The following ATP13A1 variants were observed in gnomAD, a reference collection of about 807,000 sequenced individuals.
ATP13A1 encodes endoplasmic reticulum transmembrane helix translocase.
Under a neutral mutation model 134.8 loss-of-function variants are expected in ATP13A1, and 55 were observed. That is an observed-to-expected ratio of 0.41 (90% CI 0.33 to 0.51). ATP13A1 has a LOEUF of 0.51. ATP13A1 is among the 20% of genes least tolerant of loss of function. ATP13A1 has a pLI of 0.29. For synonymous variants in ATP13A1, 775 were observed against 725.1 expected (o/e 1.07, Z -1.10); for missense variants, 1,389 against 1,652.8 (o/e 0.84, Z 2.77).
Position 19,655,978 on chromosome 19 carries a change from T to C in ATP13A1, c.1214-45A>G. On this transcript the variant is annotated intron_variant, in intron 8 of 25. Transcript: ENST00000357324. The surrounding 1 kb of genome is among the most constrained non-coding windows in gnomAD (Gnocchi z 5.7). ...CACCGTCATGCCTGTCTCCTCGTCC[T>C]GACTCCCTCATGATCAAGCAGACGG... The C allele has an allele frequency of 1.2e-6, 2 of 1,609,350 alleles. No individual in the cohort carries two copies.
Position 19,649,623 on chromosome 19 carries a change from G to A in ATP13A1, c.2576C>T (p.Thr859Ile), listed in dbSNP as rs2144994774. ...ITSLKELGYV[T>I]LMCGDGTNDV... The stretch of plus-strand genomic sequence containing the variant: ...GTTGGTGCCATCCCCACACATGAGG[G>A]TCACGTAGCCCAGCTCCTTCAGGCT... The change falls in exon 19 of 26, where the codon ACC becomes ATC. Residue 859 changes from threonine to isoleucine, a missense_variant. Physicochemically the swap from Thr to Ile is moderately conservative, Grantham distance 89. This residue lies in a region of ATP13A1 where 747 missense variants were observed against 956.1 expected (regional missense o/e 0.78). Coordinates refer to ENST00000357324, the MANE Select transcript of ATP13A1 (RefSeq NM_020410.3). 1 of 1,613,936 alleles carries A rather than the reference G, an allele frequency of 6.2e-7. No individual in the cohort carries two copies. Among genetic ancestry groups the A allele is most frequent in the East Asian group, 2.2e-5 (1 of 44,882 alleles).
chr19:19,657,424 C>A lies in ATP13A1; in HGVS notation c.678-16G>T. On this transcript the variant is annotated splice_polypyrimidine_tract_variant and intron_variant, in intron 3 of 25. Coordinates refer to ENST00000357324, the MANE Select transcript of ATP13A1 (RefSeq NM_020410.3). ...CATCTCGGCCCTGCAAGAGACCAGGCCCCATCCTGTTCCCAGGGCAAGGCC... is the reference window on the plus strand; with the variant it reads ...CATCTCGGCCCTGCAAGAGACCAGGACCCATCCTGTTCCCAGGGCAAGGCC... The A allele has an allele frequency of 1.3e-6, 2 of 1,558,564 alleles. No individual in the cohort carries two copies. The highest frequency in any genetic ancestry group is 1.7e-6 in the Non-Finnish European group (2 of 1,151,014).
At position 19,646,287 on chromosome 19, in the gene ATP13A1, G is replaced by A. The variant is rs879287542; in HGVS notation, c.3166C>T (p.Leu1056Phe). The change falls in exon 23 of 26, where the codon CTC (leucine) becomes TTC (phenylalanine). Residue 1056 changes from leucine to phenylalanine, a missense_variant. Transcript: ENST00000357324. ...ACAAAGAACTGGAGCATGACGGTGA[G>A]GATGGTGTACAGGTTGAAGATGTTG... ...LPNIFNLYTILTVMLQFFVHF... is the reference protein window; with the variant it reads ...LPNIFNLYTIFTVMLQFFVHF... 8.7e-6 allele frequency: 14 copies of A among 1,613,868 alleles called. No individual in the cohort carries two copies. Among genetic ancestry groups the A allele is most frequent in the African/African-American group, 1.3e-5 (1 of 74,922 alleles).
chr19:19,645,413 A>G lies in ATP13A1; in HGVS notation c.*9T>C, dbSNP rs752529505. ...GCCAGGGTGGGCAGTGGGTACCAGC[A>G]CTGCCATCTCAGGAAGGCACTTTCA... On this transcript the variant is annotated 3_prime_UTR_variant, in exon 26 of 26. Coordinates refer to ENST00000357324, the MANE Select transcript of ATP13A1 (RefSeq NM_020410.3). The surrounding 1 kb of genome is among the most constrained non-coding windows in gnomAD (Gnocchi z 4.1). 6.3e-7 allele frequency: 1 copy of G among 1,589,128 alleles called. No homozygotes were observed. Among genetic ancestry groups the G allele is most frequent in the Non-Finnish European group, 8.6e-7 (1 of 1,169,426 alleles).
Position 19,645,573 on chromosome 19 carries a change from C to T in ATP13A1, c.3505-41G>A. ...GGGATGGTGAGCTGGAGACCTGCAG[C>T]CCAGCTCAGGGTCACTGCCATAGGA... On this transcript the variant is annotated intron_variant, in intron 25 of 25. Coordinates refer to ENST00000357324, the MANE Select transcript of ATP13A1 (RefSeq NM_020410.3). The surrounding 1 kb of genome is among the most constrained non-coding windows in gnomAD (Gnocchi z 4.1). 2 of 1,566,306 alleles carry T rather than the reference C, an allele frequency of 1.3e-6. No individual in the cohort carries two copies. Among genetic ancestry groups the T allele is most frequent in the Non-Finnish European group, 1.7e-6 (2 of 1,155,688 alleles).
chr19:19,662,255 A>G (rs1324780493), intron 1 of ATP13A1: 4 of 1,473,814 alleles, frequency 2.7e-6, no homozygotes, highest in Non-Finnish European at 3.6e-6. Flanking sequence ...CCTCAAAGCT[A>G]CCACGTTGAG....
Position 19,652,653 on chromosome 19 carries a change from C to A in ATP13A1, c.2168G>T (p.Cys723Phe), listed in dbSNP as rs1199727215. Residue 723 changes from cysteine to phenylalanine, a missense_variant, in exon 16 of 26, where the codon TGC becomes TTC. Physicochemically the swap from Cys to Phe is radical, Grantham distance 205 (BLOSUM62 -2). Coordinates refer to ENST00000357324, the MANE Select transcript of ATP13A1 (RefSeq NM_020410.3). The part of the protein sequence containing the change: ...LKFVGFIVVS[C>F]PLKADSKAVI... ...GGCCTTGGAGTCAGCCTTGAGCGGGCAGGAGACCACAATGAAGCCGACGAA... is the reference window on the plus strand; with the variant it reads ...GGCCTTGGAGTCAGCCTTGAGCGGGAAGGAGACCACAATGAAGCCGACGAA... 7 of 1,608,544 alleles carry A rather than the reference C, an allele frequency of 4.4e-6. No homozygotes were observed. The highest frequency in any genetic ancestry group is 5.1e-6 in the Non-Finnish European group (6 of 1,177,858).
chr19:19,654,267 G>A (rs955519747), intron 13 of ATP13A1, 123 bp from the exon 14 acceptor site: 27 of 1,120,330 alleles, frequency 2.4e-5, no homozygotes, highest in Admixed American at 1.0e-4. Context: ...CGGGGCTCTG[G>A]GCTAGAGCAG....
intron 3 of ATP13A1, among the ~76,000 whole-genome samples, chr19:19,659,010 G>C (rs1307263124): frequency 6.6e-6 from 1 of 152,246 alleles, no homozygotes; most frequent in African/African-American, 2.4e-5. Flanking sequence ...AGACTCCTGT[G>C]AAGAACCTTA....
At position 19,657,381 on chromosome 19, in the gene ATP13A1, C is replaced by G. The variant is rs186424725; in HGVS notation, c.705G>C (p.Ser235=). 6.4e-7 allele frequency: 1 copy of G among 1,573,810 alleles called. No homozygotes were observed. The highest frequency in any genetic ancestry group is 8.6e-7 in the Non-Finnish European group (1 of 1,159,252). Residue 235 remains serine, a synonymous_variant, in exon 4 of 26, where the codon TCG becomes TCC. Transcript: ENST00000357324. ...NKAEMVVPDF[S]ELFKERATAP... is the part of the protein sequence containing the mutation. ...CTGTGGCTCTCTCCTTGAAAAGCTC[C>G]GAGAAGTCAGGCACCACCATCTCGG...
rs1030400100 is a variant in ATP13A1 at position 19,663,582 on chromosome 19, C to T, written c.85G>A (p.Gly29Arg). 5 of 1,462,672 alleles carry T rather than the reference C, an allele frequency of 3.4e-6. No individual in the cohort carries two copies. Among genetic ancestry groups the T allele is most frequent in the African/African-American group, 1.5e-5 (1 of 67,222 alleles). The allele number at this position is 1,462,672 out of a possible 1,614,324, so 90.6% of individuals were successfully genotyped here. A position where few individuals can be genotyped will look rare whatever the true frequency, so the allele number is the denominator to read the frequency against. Residue 29 changes from glycine to arginine, a missense_variant, in exon 1 of 26, where the codon GGG becomes AGG. This residue lies in a region of ATP13A1 where 293 missense variants were observed against 270.8 expected (regional missense o/e 1.08). Coordinates refer to ENST00000357324, the MANE Select transcript of ATP13A1 (RefSeq NM_020410.3). ...GCAAGGAGCGCGCGCGGCTGCGGCC[C>T]GGGCTTGGGCTGCCCGTCAGGCCGG... ...GVRPDGQPKP[G>R]PQPRALLAAG...
At position 19,655,290 on chromosome 19, in the gene ATP13A1, C is replaced by G. The variant is rs1205837620; in HGVS notation, c.1534+26G>C. On this transcript the variant is annotated intron_variant, in intron 11 of 25. Transcript: ENST00000357324. This position sits in a 1 kb window ranked among gnomAD's most constrained non-coding sequence, Gnocchi z 5.7. ...TCCTGCTTGGCCCCAGCCCACTCGG[C>G]ACCCCATCCCATTTGACACACTCAC... is the stretch of plus-strand genomic sequence containing the variant. 1.2e-6 allele frequency: 2 copies of G among 1,613,972 alleles called. No homozygotes were observed. Among genetic ancestry groups the G allele is most frequent in the Non-Finnish European group, 1.7e-6 (2 of 1,179,896 alleles).
At position 19,654,743 on chromosome 19, in the gene ATP13A1, A is replaced by G. The variant is rs779752306; in HGVS notation, c.1656-43T>C. The G allele has an allele frequency of 8.9e-6, 14 of 1,570,842 alleles. No homozygotes were observed. In the South Asian group the frequency reaches 1.5e-4, roughly 17 times the overall value. The stretch of plus-strand genomic sequence containing the variant: ...AGCTGGTTACAGAGTGCAGGCGGGT[A>G]GGGCGAAGCTGCATCCCCACCAGCA... On this transcript the variant is annotated intron_variant, in intron 12 of 25. Transcript: ENST00000357324.
At chr19:19,659,568 G>C (rs772464318) in intron 3 of ATP13A1, 33 bp downstream of exon 3, 1 of 1,591,122 alleles carries the variant, frequency 6.3e-7, no homozygotes, top group Non-Finnish European at 8.6e-7. Flanking sequence ...AGGACAGAAA[G>C]GCAAAGGTGC....
chr19:19,649,460 T>G, intron 19 of ATP13A1, 107 bp downstream of exon 19: 2 of 1,170,670 alleles, frequency 1.7e-6, no homozygotes, highest in Non-Finnish European at 2.5e-6. Context: ...CTCACAGGAA[T>G]TAGTGCCCCC....
At chr19:19,662,138 C>CT in intron 1 of ATP13A1, 15 of 1,559,124 alleles carry the variant, frequency 9.6e-6, no homozygotes, top group Non-Finnish European at 1.3e-5. Flanking sequence ...AAGTTAAGAG[C>CT]TAAGCTGCTT....
At chr19:19,654,439 A>G (rs1370458494) in intron 13 of ATP13A1, 104 bp downstream of exon 13, 6 of 1,377,642 alleles carry the variant, frequency 4.4e-6, no homozygotes, top group Non-Finnish European at 5.8e-6. Flanking sequence ...TCAGAGCTGT[A>G]GGCCTGCCTG....
chr19:19,659,173 G>A (rs2145017845), intron 3 of ATP13A1, among the ~76,000 whole-genome samples: 1 of 152,254 alleles, frequency 6.6e-6, no homozygotes, highest in Admixed American at 6.5e-5. Context: ...GGGCAGATTT[G>A]GCCGGGTGCA....
chr19:19,649,574 A>T lies in ATP13A1; in HGVS notation c.2625T>A (p.Ala875=). 6.2e-7 allele frequency: 1 copy of T among 1,613,530 alleles called. No homozygotes were observed. Among genetic ancestry groups the T allele is most frequent in the Non-Finnish European group, 8.5e-7 (1 of 1,179,696 alleles). Residue 875 remains alanine (A), a synonymous_variant, in exon 19 of 26, where the codon GCT becomes GCA. Coordinates refer to ENST00000357324, the MANE Select transcript of ATP13A1 (RefSeq NM_020410.3). The part of the protein sequence containing the change: ...GTNDVGALKH[A]DVGVALLANA... ...CTAGCCCACAGCACTCACCCACGTC[A>T]GCATGCTTCAGGGCGCCCACGTCGT...
Sources: allele counts gnomAD v4.1 joint callset (sites outside exome capture counted in the v4.1 genomes callset), GRCh38; gene constraint gnomAD v4.1.1; regional missense constraint gnomAD v4.1.1; non-coding constraint Gnocchi (gnomAD v3.1); transcripts MANE v1.5; gene names NCBI Gene and HGNC (gene_info 2026-07-23, HGNC 2026-07-21).